CPS1: variants seen among roughly 807,000 people sequenced by gnomAD.
The protein encoded by CPS1 is carbamoyl-phosphate synthase 1, also known as carbamoyl-phosphate synthase [ammonia], mitochondrial.
CPS1 carries 109 observed loss-of-function variants against 174.6 expected under a neutral mutation model. The observed-to-expected ratio is 0.62, with a 90% CI of 0.53 to 0.73. The LOEUF is 0.73. CPS1 is among the 30% of genes least tolerant of loss of function. The probability of loss-of-function intolerance (pLI) is 0.00; values close to 1 mark genes in which losing one functional copy is unlikely to be tolerated. For synonymous variants in CPS1, 637 were observed against 632.0 expected (o/e 1.01, Z -0.12); for missense variants, 1,689 against 1,821.9 (o/e 0.93, Z 1.33).
intron 19 of CPS1, 98 bp downstream of exon 19, chr2:210,608,657 A>G: frequency 8.8e-7 from 1 of 1,131,030 alleles, no homozygotes; most frequent in South Asian, 1.3e-5. Flanking sequence ...GATACCATCA[A>G]CACATGGACA....
At chr2:210,505,614 G>A (rs1270706445) in intron 1 of CPS1, among the ~76,000 whole-genome samples, 1 of 152,096 alleles carries the variant, frequency 6.6e-6, no homozygotes, top group Non-Finnish European at 1.5e-5. Flanking sequence ...GGAAGCACAA[G>A]GGGTCAGGGA....
chr2:210,495,237 G>A (rs1694962605), intron 1 of CPS1, among the ~76,000 whole-genome samples: 1 of 152,108 alleles, frequency 6.6e-6, no homozygotes, highest in Non-Finnish European at 1.5e-5. Context: ...GGGGAGCAGA[G>A]GAACCTCTTA....
At chr2:210,530,519 G>A (rs777557452) in intron 1 of CPS1, among the ~76,000 whole-genome samples, 31 of 152,032 alleles carry the variant, frequency 2.0e-4, no homozygotes, top group African/African-American at 5.1e-4. Flanking sequence ...CTGGCTTGAC[G>A]TGAGGGATTA....
chr2:210,594,687 A>C, intron 12 of CPS1, 81 bp downstream of exon 12: 1 of 905,064 alleles, frequency 1.1e-6, no homozygotes. Flanking sequence ...TAAGTGATGT[A>C]AGGCATACTA....
chr2:210,582,544 T>A, intron 5 of CPS1, 73 bp from the exon 6 acceptor site: 1 of 1,088,534 alleles, frequency 9.2e-7, no homozygotes, highest in Admixed American at 1.7e-5. Flanking sequence ...CTGTTTAAAG[T>A]CCCTGTGAGT....
chr2:210,652,017 G>C (rs890420010), intron 28 of CPS1, among the ~76,000 whole-genome samples: 1 of 152,190 alleles, frequency 6.6e-6, no homozygotes, highest in Non-Finnish European at 1.5e-5. Flanking sequence ...GATGTTGAGG[G>C]AGAGTGTGAA....
chr2:210,547,422 T>TATTGA (rs1696593590), intron 1 of CPS1, among the ~76,000 whole-genome samples: 13 of 152,098 alleles, frequency 8.5e-5, no homozygotes, highest in Non-Finnish European at 1.8e-4. Flanking sequence ...CAGTTCACTG[T>TATTGA]AATATTTCAA....
In CPS1 at chr2:210,677,894, A is replaced by T. The variant is rs762221038; in HGVS notation, c.4412A>T (p.Lys1471Ile). 3 of 1,613,872 alleles carry T rather than the reference A, an allele frequency of 1.9e-6. No homozygotes were observed. The highest frequency in any genetic ancestry group is 1.3e-5 in the African/African-American group (1 of 75,028). Reference protein sequence around the residue: ...IPLLTNFQVTKLFAEAVQKSR... With the variant: ...IPLLTNFQVTILFAEAVQKSR... ...CTACCATTATATTTTCAGGTGACCA[A>T]ACTTTTTGCTGAAGCTGTGCAGAAA... The change falls in exon 38 of 38, where the codon AAA becomes ATA. Residue 1471 changes from lysine (K) to isoleucine (I), a missense_variant. Physicochemically the swap from Lys to Ile is moderately radical, Grantham distance 102. Transcript: ENST00000233072.
chr2:210,482,904 A>C (rs754680330), intron 1 of CPS1, among the ~76,000 whole-genome samples: 8 of 152,224 alleles, frequency 5.3e-5, no homozygotes, highest in Admixed American at 1.3e-4. Flanking sequence ...TCAGAGAAAG[A>C]GCATTCATAA....
intron 11 of CPS1, 143 bp from the exon 12 acceptor site, chr2:210,594,364 CA>C (rs1574566317): frequency 3.1e-6 from 2 of 643,302 alleles, no homozygotes; most frequent in East Asian, 2.8e-5. Flanking sequence ...TAGTTATTGA[CA>C]AAAAAGCAAA....
chr2:210,582,517 T>A, intron 5 of CPS1, 100 bp from the exon 6 acceptor site: 1 of 855,184 alleles, frequency 1.2e-6, no homozygotes, highest in Admixed American at 1.7e-5. Context: ...TATAAAGACA[T>A]CTAAGTCTTG....
Position 210,654,053 on chromosome 2 carries a change from T to C in CPS1, c.3509T>C (p.Val1170Ala). The change falls in exon 29 of 38, where the codon GTT becomes GCT. Residue 1170 changes from valine to alanine, a missense_variant. Coordinates refer to ENST00000233072, the MANE Select transcript of CPS1 (RefSeq NM_001875.5). ...QEHPVVLTKF[V>A]EGAREVEMDA... ...CACCCAGTGGTGCTGACAAAATTTG[T>C]TGAAGGGGCCCGAGAAGTAGAAATG... The C allele has an allele frequency of 6.2e-7, 1 of 1,614,128 alleles. No individual in the cohort carries two copies. Among genetic ancestry groups the C allele is most frequent in the Non-Finnish European group, 8.5e-7 (1 of 1,179,934 alleles).
intron 1 of CPS1, among the ~76,000 whole-genome samples, chr2:210,566,910 C>T (rs1299856757): frequency 6.6e-6 from 1 of 151,990 alleles, no homozygotes; most frequent in Non-Finnish European, 1.5e-5. Flanking sequence ...CTTACTTTTC[C>T]AACATAGCTT....
At chr2:210,554,488 T>A (rs765944605), upstream of CPS1, among the ~76,000 whole-genome samples, 2 of 151,884 alleles carry the variant, frequency 1.3e-5, no homozygotes, top group African/African-American at 4.8e-5. Flanking sequence ...GGTGATGAAG[T>A]CTTTTCCTTG....
intron 1 of CPS1, among the ~76,000 whole-genome samples, chr2:210,496,317 G>A (rs1003135576): frequency 6.6e-6 from 1 of 152,158 alleles, no homozygotes; most frequent in African/African-American, 2.4e-5. Context: ...TTCTGCCTTT[G>A]TTCTCCTATC....
intron 1 of CPS1, among the ~76,000 whole-genome samples, chr2:210,506,698 G>C (rs1231470974): frequency 6.6e-6 from 1 of 152,220 alleles, no homozygotes; most frequent in East Asian, 1.9e-4. Context: ...TGATGGAGCT[G>C]AAAACCAAGG....
intron 21 of CPS1, among the ~76,000 whole-genome samples, chr2:210,632,442 GAC>G (rs1204973190): frequency 6.6e-6 from 1 of 152,042 alleles, no homozygotes; most frequent in Non-Finnish European, 1.5e-5. Flanking sequence ...ATTATAATGG[GAC>G]ACACAATACA....
intron 21 of CPS1, among the ~76,000 whole-genome samples, chr2:210,625,222 T>C (rs1468035832): frequency 6.6e-6 from 1 of 152,052 alleles, no homozygotes; most frequent in East Asian, 1.9e-4. Context: ...TCATTATTTA[T>C]TGGGTATCTA....
chr2:210,616,287 T>G (rs556796145), intron 20 of CPS1, 136 bp from the exon 21 acceptor site: 1 of 714,688 alleles, frequency 1.4e-6, no homozygotes, highest in East Asian at 2.6e-5. Context: ...TGATGTCAGT[T>G]TCATGTTTTG....
Sources: allele counts gnomAD v4.1 joint callset (sites outside exome capture counted in the v4.1 genomes callset), GRCh38; gene constraint gnomAD v4.1.1; transcripts MANE v1.5; gene names NCBI Gene and HGNC (gene_info 2026-07-23, HGNC 2026-07-21).